Variants in KAT6B observed in about 807,000 individuals in gnomAD.
The protein encoded by KAT6B is lysine acetyltransferase 6B.
Under a neutral mutation model 187.5 loss-of-function variants are expected in KAT6B, and 10 were observed. The observed-to-expected ratio is 0.05, with a 90% CI of 0.03 to 0.09. The LOEUF is 0.09. Among genes scored for constraint, KAT6B ranks in the 10% least tolerant of loss-of-function variants. The pLI is 1.00. For synonymous variants in KAT6B, 861 were observed against 926.8 expected, an observed-to-expected ratio of 0.93 and a Z score of 1.29; for missense variants, 1,952 against 2,558.9, an observed-to-expected ratio of 0.76 and a Z score of 5.12.
chr10:74,857,400 C>A (rs944244363), intron 3 of KAT6B, among the ~76,000 whole-genome samples: 1 of 152,208 alleles, frequency 6.6e-6, no homozygotes, highest in Non-Finnish European at 1.5e-5. Context: ...AATGTTGCAT[C>A]TCTCTGACTG....
At chr10:74,893,541 C>G (rs926686415) in intron 3 of KAT6B, among the ~76,000 whole-genome samples, 1 of 151,746 alleles carries the variant, frequency 6.6e-6, no homozygotes, top group Non-Finnish European at 1.5e-5. Context: ...GCAATCTCAG[C>G]TCACTGCAAC....
intron 3 of KAT6B, among the ~76,000 whole-genome samples, chr10:74,944,331 G>A (rs952059493): frequency 1.3e-5 from 2 of 152,230 alleles, no homozygotes; most frequent in African/African-American, 2.4e-5. Context: ...TCCCTGGAGG[G>A]AGTGATAGCT....
chr10:74,863,698 CT>C (rs1214835266), intron 3 of KAT6B, among the ~76,000 whole-genome samples: 2 of 152,170 alleles, frequency 1.3e-5, no homozygotes, highest in African/African-American at 4.8e-5. Context: ...TTACTAATGA[CT>C]TGGACATTTT....
chr10:75,015,190 T>C (rs1176112126), intron 13 of KAT6B, among the ~76,000 whole-genome samples: 1 of 152,236 alleles, frequency 6.6e-6, no homozygotes, highest in Non-Finnish European at 1.5e-5. Flanking sequence ...CAAGTTCTTA[T>C]ATAATTATGT....
chr10:74,914,913 C>T (rs1288773381), intron 3 of KAT6B, among the ~76,000 whole-genome samples: 9 of 151,668 alleles, frequency 5.9e-5, no homozygotes, highest in Admixed American at 5.9e-4. Context: ...GCAACACAGG[C>T]ACTCCATCTC....
chr10:74,856,288 G>C (rs1363864742), intron 3 of KAT6B, among the ~76,000 whole-genome samples: 1 of 152,036 alleles, frequency 6.6e-6, no homozygotes, highest in Non-Finnish European at 1.5e-5. Context: ...GGTTTCGCCA[G>C]GTTGGCCAGG....
At position 74,946,408 on chromosome 10, in the gene KAT6B, A is replaced by G. The variant is rs75581279; in HGVS notation, c.622-13562A>G. Among the ~76,000 whole-genome samples the G allele has an allele frequency of 1.1e-3, 173 of 152,350 alleles. 1 individual carries two copies. Among genetic ancestry groups the G allele is most frequent in the African/African-American group, 4.1e-3 (170 of 41,576 alleles). On this transcript the variant is annotated intron_variant, in intron 3 of 17. Coordinates refer to ENST00000287239, the MANE Select transcript of KAT6B (RefSeq NM_012330.4). ...TTCCACTCCTAGGTATTTAATCAAG[A>G]GAAATGAAAGCACATATTCTAAAAA...
chr10:75,026,806 A>G (rs1309992403), intron 17 of KAT6B, among the ~76,000 whole-genome samples: 2 of 152,076 alleles, frequency 1.3e-5, no homozygotes, highest in African/African-American at 4.8e-5. Flanking sequence ...AGGTGTTCCA[A>G]CAAAAGCCGG....
At chr10:74,830,746 A>ATATATATATATATATG (rs1840710138) in intron 1 of KAT6B, among the ~76,000 whole-genome samples, 4 of 16,880 alleles carry the variant, frequency 2.4e-4, no homozygotes, top group African/African-American at 1.7e-3. Flanking sequence ...ATATATATAT[A>ATATATATATATATATG]TATATATATA....
intron 1 of KAT6B, among the ~76,000 whole-genome samples, chr10:74,828,824 C>T (rs958183835): frequency 3.3e-5 from 5 of 151,912 alleles, no homozygotes; most frequent in South Asian, 2.1e-4. Context: ...GCCTCGGCCT[C>T]CCAAAGTGCT....
Position 74,959,976 on chromosome 10 carries a change from G to A in KAT6B, c.628G>A (p.Ala210Thr). Reference sequence around the variant, plus strand: ...TATTTTAATTTTGTCATAGCCCCGTGCTGATCCCATTCCAATATGTAGCTT... The same window carrying A: ...TATTTTAATTTTGTCATAGCCCCGTACTGATCCCATTCCAATATGTAGCTT... ...LLPHEKDQPR[A>T]DPIPICSFCL... Residue 210 changes from alanine (A) to threonine (T), a missense_variant, in exon 4 of 18, where the codon GCT becomes ACT. By Grantham distance (58) the Ala-to-Thr change is moderately conservative. Transcript: ENST00000287239. 6.2e-7 allele frequency: 1 copy of A among 1,606,008 alleles called. No homozygotes were observed. Among genetic ancestry groups the A allele is most frequent in the Non-Finnish European group, 8.5e-7 (1 of 1,172,722 alleles).
chr10:74,995,732 T>C (rs1364885049), intron 13 of KAT6B, among the ~76,000 whole-genome samples: 1 of 152,226 alleles, frequency 6.6e-6, no homozygotes, highest in East Asian at 1.9e-4. Flanking sequence ...TGCTTTCCTA[T>C]GTATGGGTTT....
chr10:75,018,951 G>A (rs1845187769), intron 13 of KAT6B, among the ~76,000 whole-genome samples: 1 of 152,198 alleles, frequency 6.6e-6, no homozygotes, highest in African/African-American at 2.4e-5. Flanking sequence ...AAGCACTTTG[G>A]AGGCAGGTGA....
chr10:74,839,929 A>G (rs776743792), intron 2 of KAT6B, among the ~76,000 whole-genome samples: 49 of 152,278 alleles, frequency 3.2e-4, no homozygotes, highest in Non-Finnish European at 5.7e-4. Context: ...GTGAGTACTT[A>G]TTAGATTTGT....
chr10:75,016,414 T>C (rs1280152170), intron 13 of KAT6B, among the ~76,000 whole-genome samples: 1 of 152,232 alleles, frequency 6.6e-6, no homozygotes, highest in Non-Finnish European at 1.5e-5. Flanking sequence ...ATCCTTTGAA[T>C]TGATTATGTG....
At chr10:74,855,932 A>C (rs1342298802) in intron 3 of KAT6B, among the ~76,000 whole-genome samples, 2 of 152,190 alleles carry the variant, frequency 1.3e-5, no homozygotes, top group Non-Finnish European at 2.9e-5. Flanking sequence ...ACTGTTGGAA[A>C]CTAAATTACA....
At chr10:74,905,505 C>G (rs1479803690) in intron 3 of KAT6B, among the ~76,000 whole-genome samples, 1 of 152,156 alleles carries the variant, frequency 6.6e-6, no homozygotes, top group Non-Finnish European at 1.5e-5. Flanking sequence ...TGCTCCTTTT[C>G]CCTGAGTGGT....
chr10:74,927,849 TGC>T (rs763626213), intron 3 of KAT6B, among the ~76,000 whole-genome samples: 3 of 152,284 alleles, frequency 2.0e-5, no homozygotes. Context: ...GACTCTCCAG[TGC>T]TTCTGGATAG....
At chr10:74,934,893 A>C (rs1849131418) in intron 3 of KAT6B, among the ~76,000 whole-genome samples, 1 of 152,112 alleles carries the variant, frequency 6.6e-6, no homozygotes, top group African/African-American at 2.4e-5. Flanking sequence ...TCTGCTTCCC[A>C]CTTCCAAAAT....
Sources: allele counts gnomAD v4.1 joint callset (sites outside exome capture counted in the v4.1 genomes callset), GRCh38; gene constraint gnomAD v4.1.1; transcripts MANE v1.5; gene names NCBI Gene and HGNC (gene_info 2026-07-23, HGNC 2026-07-21).